Variants in CCSER1 observed in about 807,000 individuals in gnomAD.
CCSER1 encodes the protein serine-rich coiled-coil domain-containing protein 1.
Under a neutral mutation model 82.0 loss-of-function variants are expected in CCSER1, and 41 were observed. That is an observed-to-expected ratio of 0.50 (90% CI 0.39 to 0.65). The LOEUF is 0.65. Ranked by LOEUF, CCSER1 falls within the 30% of genes least tolerant of loss-of-function variation. The pLI is 0.00. For synonymous variants in CCSER1, 414 were observed against 383.9 expected, an observed-to-expected ratio of 1.08 and a Z score of -0.92; for missense variants, 1,119 against 1,064.2, an observed-to-expected ratio of 1.05 and a Z score of -0.72.
chr4:91,116,566 A>G (rs1163878677), intron 10 of CCSER1, among the ~76,000 whole-genome samples: 1 of 152,238 alleles, frequency 6.6e-6, no homozygotes, highest in Non-Finnish European at 1.5e-5. Flanking sequence ...TAGAGTTATT[A>G]TGAGAATTAA....
intron 6 of CCSER1, among the ~76,000 whole-genome samples, chr4:90,721,756 A>G (rs1742720980): frequency 6.6e-6 from 1 of 151,700 alleles, no homozygotes; most frequent in African/African-American, 2.4e-5. Context: ...AATGATACCT[A>G]AATTACAGAT....
chr4:90,796,417 TTAAAA>T (rs1207208456), intron 7 of CCSER1, among the ~76,000 whole-genome samples: 1 of 137,554 alleles, frequency 7.3e-6, no homozygotes. Flanking sequence ...TGTACTAAAT[TTAAAA>T]AAAAAAAAAA....
chr4:90,224,721 C>T (rs1387550207), intron 1 of CCSER1, among the ~76,000 whole-genome samples: 1 of 152,114 alleles, frequency 6.6e-6, no homozygotes, highest in African/African-American at 2.4e-5. Context: ...AATAGACACT[C>T]AAAACAGATT....
chr4:90,768,191 T>A (rs1025986460), intron 7 of CCSER1, among the ~76,000 whole-genome samples: 10 of 152,222 alleles, frequency 6.6e-5, no homozygotes, highest in African/African-American at 2.4e-4. Flanking sequence ...GCCAGTACTG[T>A]GTCATAAGGT....
chr4:91,280,998 G>A (rs562421962), intron 10 of CCSER1, among the ~76,000 whole-genome samples: 10 of 152,244 alleles, frequency 6.6e-5, no homozygotes, highest in African/African-American at 2.2e-4. Flanking sequence ...GTCATTGGGT[G>A]GTCTCTGAAA....
At chr4:91,537,349 C>T (rs953009867) in intron 10 of CCSER1, among the ~76,000 whole-genome samples, 3 of 151,986 alleles carry the variant, frequency 2.0e-5, no homozygotes, top group Non-Finnish European at 2.9e-5. Context: ...TGAACCTAGA[C>T]AGAATAAAAT....
intron 10 of CCSER1, among the ~76,000 whole-genome samples, chr4:91,151,619 A>T (rs961537688): frequency 6.6e-6 from 1 of 152,162 alleles, no homozygotes; most frequent in African/African-American, 2.4e-5. Context: ...TTAGTGCTAT[A>T]AATTTCCCTC....
chr4:91,050,905 C>T (rs1169053765), intron 9 of CCSER1, among the ~76,000 whole-genome samples: 3 of 152,120 alleles, frequency 2.0e-5, no homozygotes, highest in African/African-American at 7.2e-5. Flanking sequence ...TTGGAATACC[C>T]TCTGTATTAT....
At chr4:91,246,953 T>C (rs1739835792) in intron 10 of CCSER1, among the ~76,000 whole-genome samples, 1 of 152,030 alleles carries the variant, frequency 6.6e-6, no homozygotes, top group South Asian at 2.1e-4. Context: ...CCTATTAGAA[T>C]GGCTAAAGTC....
At chr4:91,335,712 G>A (rs1747272211) in intron 10 of CCSER1, among the ~76,000 whole-genome samples, 1 of 151,064 alleles carries the variant, frequency 6.6e-6, no homozygotes, top group South Asian at 2.1e-4. Flanking sequence ...AGGTGAAGAA[G>A]ATACAGCATT....
intron 10 of CCSER1, among the ~76,000 whole-genome samples, chr4:91,382,235 A>T (rs1320440016): frequency 6.6e-6 from 1 of 152,084 alleles, no homozygotes; most frequent in Non-Finnish European, 1.5e-5. Context: ...TCAGACAGGG[A>T]CATTTATGGG....
intron 5 of CCSER1, among the ~76,000 whole-genome samples, chr4:90,475,892 T>C (rs1402930104): frequency 1.3e-5 from 2 of 152,194 alleles, no homozygotes; most frequent in South Asian, 4.1e-4. Flanking sequence ...CACTACCCGC[T>C]ACCTTTCACC....
intron 10 of CCSER1, among the ~76,000 whole-genome samples, chr4:91,408,423 A>G (rs1388373485): frequency 6.6e-6 from 1 of 152,214 alleles, no homozygotes; most frequent in Non-Finnish European, 1.5e-5. Flanking sequence ...CCAGGTGGTT[A>G]TATCAGCCAG....
At chr4:90,486,734 C>T (rs555993487) in intron 5 of CCSER1, among the ~76,000 whole-genome samples, 1 of 151,976 alleles carries the variant, frequency 6.6e-6, no homozygotes, top group Non-Finnish European at 1.5e-5. Context: ...TTTTTTGCCT[C>T]GTTCTCTCCC....
chr4:90,879,627 G>C (rs71611405), intron 8 of CCSER1, among the ~76,000 whole-genome samples: 2 of 123,040 alleles, frequency 1.6e-5, no homozygotes, highest in African/African-American at 6.2e-5. Context: ...AGGAGGAGGA[G>C]GAAAGAAGAA....
At chr4:90,355,432 TA>T (rs1432720519) in intron 3 of CCSER1, among the ~76,000 whole-genome samples, 1 of 151,984 alleles carries the variant, frequency 6.6e-6, no homozygotes, top group Non-Finnish European at 1.5e-5. Context: ...TTTATAATCT[TA>T]TTTTATTTAC....
chr4:91,008,737 G>A (rs1738736907), intron 9 of CCSER1, among the ~76,000 whole-genome samples: 1 of 152,184 alleles, frequency 6.6e-6, no homozygotes, highest in African/African-American at 2.4e-5. Flanking sequence ...TACTACTGAT[G>A]TTACCGGGTG....
intron 4 of CCSER1, among the ~76,000 whole-genome samples, chr4:90,427,796 A>G (rs1315639331): frequency 5.3e-5 from 8 of 151,792 alleles, no homozygotes; most frequent in Admixed American, 4.6e-4. Flanking sequence ...TTTTGAACTT[A>G]AAGGCATGAT....
intron 10 of CCSER1, among the ~76,000 whole-genome samples, chr4:91,297,671 G>A (rs1417711390): frequency 1.3e-5 from 2 of 151,862 alleles, no homozygotes; most frequent in Non-Finnish European, 2.9e-5. Context: ...AAATCACCTA[G>A]ATGACAGCAG....
Sources: gnomAD v4.1 joint callset for allele counts (sites outside exome capture counted in the v4.1 genomes callset) on GRCh38, gnomAD v4.1.1 for gene constraint, MANE v1.5 for transcripts, NCBI Gene and HGNC (gene_info 2026-07-23, HGNC 2026-07-21) for gene names.